Variants in NUP214 observed in about 807,000 individuals in gnomAD.
NUP214 encodes the protein nucleoporin 214.
A neutral mutation model predicts 196.2 loss-of-function variants in NUP214; 79 were observed. The observed-to-expected ratio is 0.40, with a 90% CI of 0.34 to 0.49. The LOEUF (loss-of-function observed/expected upper bound fraction) is 0.49. Ranked by LOEUF, NUP214 falls within the 20% of genes least tolerant of loss-of-function variation. NUP214 has a pLI of 0.58. For synonymous variants in NUP214, 1,020 were observed against 990.5 expected (o/e 1.03, Z -0.56); for missense variants, 2,468 against 2,539.0 (o/e 0.97, Z 0.60).
In NUP214 at chr9:131,146,999, C is replaced by T. The variant is rs1438795005; in HGVS notation, c.1946-491C>T. Among the ~76,000 whole-genome samples, 1 of 151,710 alleles carries T rather than the reference C, an allele frequency of 6.6e-6. No homozygotes were observed. The highest frequency in any genetic ancestry group is 2.4e-5 in the African/African-American group (1 of 41,306). ...ATTCATATTTTCACAGTCAGTCATA[C>T]TGTAAACAGGAAGTTTTGTTTTGTT... On this transcript the variant is annotated intron_variant, in intron 13 of 35. Transcript: ENST00000359428. This position sits in a 1 kb window ranked among gnomAD's most constrained non-coding sequence, Gnocchi z 4.6.
At chr9:131,145,465 T>C (rs1832062434) in intron 12 of NUP214, among the ~76,000 whole-genome samples, 1 of 152,140 alleles carries the variant, frequency 6.6e-6, no homozygotes, top group South Asian at 2.1e-4. Context: ...CTGTACTATC[T>C]GTTGTTGCTA....
chr9:131,127,301 T>A (rs1831391005), intron 1 of NUP214, among the ~76,000 whole-genome samples: 1 of 152,104 alleles, frequency 6.6e-6, no homozygotes, highest in Non-Finnish European at 1.5e-5. Context: ...GAGAATCGCT[T>A]GAACCTGGGA....
intron 32 of NUP214, among the ~76,000 whole-genome samples, chr9:131,223,178 T>C (rs1834610706): frequency 6.6e-6 from 1 of 152,154 alleles, no homozygotes; most frequent in Non-Finnish European, 1.5e-5. Flanking sequence ...TTTTCTTTTT[T>C]TTTTTGTGAG....
intron 31 of NUP214, among the ~76,000 whole-genome samples, chr9:131,219,680 G>C (rs1218546471): frequency 1.3e-5 from 2 of 152,184 alleles, no homozygotes; most frequent in Non-Finnish European, 2.9e-5. Context: ...CTTTAGTATT[G>C]TCCTGAGGAC....
At chr9:131,150,526 C>T (rs887551735) in intron 15 of NUP214, 90 bp from the exon 16 acceptor site, 1 of 1,578,414 alleles carries the variant, frequency 6.3e-7, no homozygotes, top group Admixed American at 1.7e-5. Context: ...ATGGCCCATC[C>T]CAGCAGTCTG....
At position 131,232,388 on chromosome 9, in the gene NUP214, G is replaced by A; in HGVS notation, c.6239+80G>A. The A allele has an allele frequency of 7.0e-7, 1 of 1,428,030 alleles. No homozygotes were observed. The highest frequency in any genetic ancestry group is 9.9e-7 in the Non-Finnish European group (1 of 1,011,990). 88.5% of individuals were successfully genotyped at this position (1,428,030 alleles called of 1,614,324 possible). On this transcript the variant is annotated intron_variant, in intron 35 of 35. Transcript: ENST00000359428. The surrounding 1 kb of genome is among the most constrained non-coding windows in gnomAD (Gnocchi z 5.1). The stretch of plus-strand genomic sequence containing the variant: ...GAAGTGTGTGGATCTTGCTGGATTT[G>A]TGCATTTTCTTTTCGTTTTTTCCTG...
chr9:131,228,294 G>C lies in NUP214; in HGVS notation c.6037G>C (p.Gly2013Arg). The change falls in exon 33 of 36, where the codon GGA (glycine) becomes CGA (arginine). Residue 2013 changes from glycine to arginine, a missense_variant. Gly to Arg is a moderately radical substitution (Grantham distance 125, BLOSUM62 -2). This residue lies in a region of NUP214 where 262 missense variants were observed against 296.5 expected (regional missense o/e 0.88). Transcript: ENST00000359428. ...PLGSTGGKVF[G>R]EGTAAASAGG... Reference sequence around the variant, plus strand: ...GGGCTCGACGGGAGGCAAAGTGTTCGGAGAGGGCACTGCAGCTGCCAGCGC... The same window carrying C: ...GGGCTCGACGGGAGGCAAAGTGTTCCGAGAGGGCACTGCAGCTGCCAGCGC... 1 of 1,603,130 alleles carries C rather than the reference G, an allele frequency of 6.2e-7. No homozygotes were observed. Among genetic ancestry groups the C allele is most frequent in the Non-Finnish European group, 8.5e-7 (1 of 1,176,200 alleles).
At chr9:131,191,058 C>G (rs1478338128) in intron 26 of NUP214, 1 of 151,678 alleles carries the variant, frequency 6.6e-6, no homozygotes, top group Non-Finnish European at 1.5e-5. Context: ...TGCCATCTAC[C>G]CTGTGTTTGT....
Position 131,192,249 on chromosome 9 carries a change from G to A in NUP214, c.3616G>A (p.Ala1206Thr), listed in dbSNP as rs763716794. 2.4e-5 allele frequency: 35 copies of A among 1,440,640 alleles called. No individual in the cohort carries two copies. The Admixed American group carries it at 6.4e-4, about 26-fold the overall frequency. The allele number at this position is 1,440,640 out of a possible 1,614,324, so 89.2% of individuals were successfully genotyped here. Residue 1206 changes from alanine to threonine, a missense_variant, in exon 27 of 36, where the codon GCT becomes ACT. By Grantham distance (58) the Ala-to-Thr change is moderately conservative. This residue lies in a region of NUP214 where 1,801 missense variants were observed against 1,779.4 expected (regional missense o/e 1.01). Transcript: ENST00000359428. ...AACAGCTGTGACTTCAACCCCATCT[G>A]CTTCTGGGCAGTTCAGCAAGCCTTT... ...IETAVTSTPS[A>T]SGQFSKPFSF...
chr9:131,152,310 T>G (rs895406114), intron 17 of NUP214, among the ~76,000 whole-genome samples: 1 of 151,986 alleles, frequency 6.6e-6, no homozygotes, highest in Non-Finnish European at 1.5e-5. Flanking sequence ...AGAGATAAGG[T>G]GTTACTATGC....
In NUP214 at chr9:131,171,888, A is replaced by AT. The variant is rs528538665; in HGVS notation, c.2894-2161dup. Among the ~76,000 whole-genome samples the AT allele has an allele frequency of 2.8e-3, 423 of 152,154 alleles. 4 individuals are homozygous for AT. Among genetic ancestry groups the AT allele is most frequent in the African/African-American group, 9.9e-3 (412 of 41,510 alleles). On this transcript the variant is annotated intron_variant, in intron 21 of 35. Coordinates refer to ENST00000359428, the MANE Select transcript of NUP214 (RefSeq NM_005085.4). ...TCCCTACAAAGGACATGAACTCATC[A>AT]TTTTTTATGGCTGCATAGTATTCCA...
Position 131,163,070 on chromosome 9 carries a change from A to G in NUP214, c.2620A>G (p.Arg874Gly). Residue 874 changes from arginine to glycine, a missense_variant, in exon 19 of 36, where the codon AGG (arginine) becomes GGG (glycine). Transcript: ENST00000359428. Reference protein sequence around the residue: ...NREIINQQRKRLNHLVDSLQQ... With the variant: ...NREIINQQRKGLNHLVDSLQQ... ...GGAAATCATCAACCAACAGAGGAAGAGGCTGAATCACCTGGTGGATAGTCT... is the reference window on the plus strand; with the variant it reads ...GGAAATCATCAACCAACAGAGGAAGGGGCTGAATCACCTGGTGGATAGTCT... 6.2e-7 allele frequency: 1 copy of G among 1,614,234 alleles called. No individual in the cohort carries two copies. Among genetic ancestry groups the G allele is most frequent in the Non-Finnish European group, 8.5e-7 (1 of 1,180,028 alleles).
chr9:131,177,110 GT>G (rs907776200), intron 23 of NUP214, among the ~76,000 whole-genome samples: 24 of 151,852 alleles, frequency 1.6e-4, no homozygotes, highest in African/African-American at 5.1e-4. Flanking sequence ...TCAATTTAGA[GT>G]TTTTTTTAAA....
chr9:131,211,547 G>A (rs1335136469), intron 30 of NUP214, among the ~76,000 whole-genome samples: 1 of 152,136 alleles, frequency 6.6e-6, no homozygotes, highest in Non-Finnish European at 1.5e-5. Flanking sequence ...GGGAAGTCAG[G>A]GACCCCAAAT....
chr9:131,176,572 A>G (rs889641316), intron 23 of NUP214, among the ~76,000 whole-genome samples: 1 of 150,214 alleles, frequency 6.7e-6, no homozygotes, highest in Non-Finnish European at 1.5e-5. Flanking sequence ...CAAGTGATCC[A>G]CCCGCCTCTA....
intron 19 of NUP214, 95 bp from the exon 20 acceptor site, chr9:131,163,775 T>A: frequency 1.2e-6 from 1 of 819,164 alleles, no homozygotes; most frequent in South Asian, 1.6e-5. Flanking sequence ...GATATTCTCA[T>A]GTCTTGCATT....
intron 25 of NUP214, among the ~76,000 whole-genome samples, chr9:131,187,602 G>A (rs184276969): frequency 6.6e-6 from 1 of 152,290 alleles, no homozygotes; most frequent in East Asian, 1.9e-4. Context: ...GGCCAGGCTA[G>A]TCTCGAGCTC....
In NUP214 at chr9:131,150,723, T is replaced by A; in HGVS notation, c.2235T>A (p.Asp745Glu). ...EEMKMLRTES[D>E]DLHTFLLEIK... ...TGAAGATGCTGCGAACAGAATCAGA[T>A]GACTTGCATACCTTTCTTTTGGAGA... The change falls in exon 16 of 36, where the codon GAT (aspartate) becomes GAA (glutamate). Residue 745 changes from aspartate to glutamate, a missense_variant. Physicochemically the swap from Asp to Glu is conservative, Grantham distance 45. Around this residue, in one of 5 missense-constraint regions of NUP214, gnomAD observed 1,801 missense variants for 1,779.4 expected, o/e 1.01. Transcript: ENST00000359428. 1 of 1,614,176 alleles carries A rather than the reference T, an allele frequency of 6.2e-7. No homozygotes were observed. Among genetic ancestry groups the A allele is most frequent in the Non-Finnish European group, 8.5e-7 (1 of 1,180,012 alleles).
Position 131,140,658 on chromosome 9 carries a change from CA to C in NUP214, c.1246del (p.Thr416HisfsTer7). 1 of 1,614,042 alleles carries C rather than the reference CA, an allele frequency of 6.2e-7. No individual in the cohort carries two copies. Among genetic ancestry groups the C allele is most frequent in the Non-Finnish European group, 8.5e-7 (1 of 1,179,968 alleles). ...NQNPGVKSLI[K>X]TPERLSLEGE... ...AAAATCCTGGGGTTAAGTCTCTCATCAAAACACCAGAGCGACTTTCATTAGA... is the reference window on the plus strand; with the variant it reads ...AAAATCCTGGGGTTAAGTCTCTCATCAAACACCAGAGCGACTTTCATTAGA... On this transcript the variant is annotated frameshift_variant, in exon 11 of 36. Transcript: ENST00000359428. LOFTEE classifies it high-confidence loss of function.
Sources: allele counts gnomAD v4.1 joint callset (sites outside exome capture counted in the v4.1 genomes callset), GRCh38; gene constraint gnomAD v4.1.1; regional missense constraint gnomAD v4.1.1; non-coding constraint Gnocchi (gnomAD v3.1); transcripts MANE v1.5; gene names NCBI Gene and HGNC (gene_info 2026-07-23, HGNC 2026-07-21).